Variants in NETO1 observed in about 807,000 individuals in gnomAD.
NETO1 encodes neuropilin and tolloid like 1, also known as neuropilin and tolloid-like protein 1.
A neutral mutation model predicts 61.3 loss-of-function variants in NETO1; 26 were observed. That is an observed-to-expected ratio of 0.42 (90% CI 0.31 to 0.59). The LOEUF (loss-of-function observed/expected upper bound fraction) is 0.59. Among genes scored for constraint, NETO1 ranks in the 20% least tolerant of loss-of-function variants. The pLI, the probability that NETO1 is intolerant of heterozygous loss-of-function variation, is 0.12. For synonymous variants in NETO1, 225 were observed against 225.8 expected, an observed-to-expected ratio of 1.00 and a Z score of 0.03; for missense variants, 531 against 662.8, an observed-to-expected ratio of 0.80 and a Z score of 2.18.
chr18:72,858,760 A>T (rs2074480230), intron 4 of NETO1, 66 bp downstream of exon 4: 41 of 1,440,562 alleles, frequency 2.8e-5, no homozygotes, highest in Non-Finnish European at 3.7e-5. Context: ...CTTACACAAG[A>T]TTTTGTACTA....
intron 4 of NETO1, among the ~76,000 whole-genome samples, chr18:72,820,399 T>C (rs527453128): frequency 1.3e-5 from 2 of 152,304 alleles, no homozygotes; most frequent in Middle Eastern, 3.4e-3. Flanking sequence ...AATATACAAG[T>C]GCGCATTCTC....
intron 6 of NETO1, among the ~76,000 whole-genome samples, chr18:72,791,272 C>G (rs1249610041): frequency 6.6e-6 from 1 of 152,190 alleles, no homozygotes; most frequent in Non-Finnish European, 1.5e-5. Flanking sequence ...GCCAAGTAAG[C>G]TATTCAGCAC....
chr18:72,824,969 A>G lies in NETO1; in HGVS notation c.470-30565T>C, dbSNP rs1176318631. 2.0e-5 allele frequency among the ~76,000 whole-genome samples: 3 copies of G among 152,210 alleles called. No individual in the cohort carries two copies. In the South Asian group the frequency reaches 6.2e-4, roughly 31 times the overall value. ...TTGATTTTAGAGTAACAGAACAAGA[A>G]AAGTTATTAACTATTCTTGTAGAAG... On this transcript the variant is annotated intron_variant, in intron 4 of 10. Transcript: ENST00000327305.
chr18:72,824,946 G>C (rs926877957), intron 4 of NETO1, among the ~76,000 whole-genome samples: 1 of 152,028 alleles, frequency 6.6e-6, no homozygotes, highest in Admixed American at 6.6e-5. Context: ...AGTTCCTCTT[G>C]ATTTTAGAGT....
intron 3 of NETO1, among the ~76,000 whole-genome samples, chr18:72,860,725 C>T (rs552360070): frequency 3.3e-5 from 4 of 122,214 alleles, no homozygotes; most frequent in East Asian, 2.1e-4. Context: ...GTTTCAATGA[C>T]GTGGTTTTTT....
chr18:72,855,580 TG>T (rs2074389617), intron 4 of NETO1, among the ~76,000 whole-genome samples: 1 of 152,230 alleles, frequency 6.6e-6, no homozygotes, highest in Non-Finnish European at 1.5e-5. Flanking sequence ...CCAGTTGGGC[TG>T]TTCCCACGTA....
intron 4 of NETO1, among the ~76,000 whole-genome samples, chr18:72,821,234 T>TAAAAAAAAAAAAAAAAAAAAA (rs10672110): frequency 1.2e-5 from 1 of 80,220 alleles, no homozygotes; most frequent in Non-Finnish European, 2.3e-5. Flanking sequence ...TCATATTAAC[T>TAAAAAAAAAAAAAAAAAAAAA]AAAAAAAAAA....
In NETO1 at chr18:72,821,559, C is replaced by CAA. The variant is rs11420100; in HGVS notation, c.470-27157_470-27156dup. On this transcript the variant is annotated intron_variant, in intron 4 of 10. Transcript: ENST00000327305. ...CATCCTGGGCAATAAGGGTGAAACT[C>CAA]AAAAAAAAAAAAAAAAAAGGAATCC... is the stretch of plus-strand genomic sequence containing the variant. 8.7e-3 allele frequency among the ~76,000 whole-genome samples: 761 copies of CAA among 87,128 alleles called. 13 individuals carry two copies. The highest frequency in any genetic ancestry group is 0.024 in the African/African-American group (620 of 25,978). The allele number at this position is 87,128 out of a possible 152,430, so 57.2% of individuals were successfully genotyped here.
chr18:72,816,574 T>C (rs1473124397), intron 4 of NETO1, among the ~76,000 whole-genome samples: 1 of 152,112 alleles, frequency 6.6e-6, no homozygotes, highest in African/African-American at 2.4e-5. Context: ...ATTCAGGGCA[T>C]AGCACCAATG....
Position 72,754,623 on chromosome 18 carries a change from T to C in NETO1, c.982+1411A>G, listed in dbSNP as rs28360819. Among the ~76,000 whole-genome samples, 826 of 152,186 alleles carry C rather than the reference T, an allele frequency of 5.4e-3. 8 individuals carry two copies. The highest frequency in any genetic ancestry group is 0.018 in the African/African-American group (761 of 41,540). ...TGATAAAAGCGTCATGAGGAAGATA[T>C]AACAATTACACACATATATGAATTT... On this transcript the variant is annotated intron_variant, in intron 8 of 10. Coordinates refer to ENST00000327305, the MANE Select transcript of NETO1 (RefSeq NM_138966.5).
At chr18:72,864,716 G>T (rs1236138595) in intron 3 of NETO1, 92 bp downstream of exon 3, 2 of 1,499,838 alleles carry the variant, frequency 1.3e-6, no homozygotes, top group African/African-American at 1.4e-5. Context: ...GATCAATTTT[G>T]TAATGCCTAT....
intron 4 of NETO1, among the ~76,000 whole-genome samples, chr18:72,839,349 A>G (rs1336711061): frequency 1.3e-5 from 2 of 152,240 alleles, no homozygotes; most frequent in East Asian, 3.8e-4. Flanking sequence ...TCTATACAAC[A>G]GGAACACAGG....
downstream of NETO1, among the ~76,000 whole-genome samples, chr18:72,743,373 C>G (rs755288585): frequency 1.3e-5 from 2 of 152,174 alleles, no homozygotes; most frequent in Non-Finnish European, 2.9e-5. Flanking sequence ...CAAAGCCTCT[C>G]TTGATCTTAA....
chr18:72,760,629 T>C (rs1315773608), intron 7 of NETO1, among the ~76,000 whole-genome samples: 1 of 152,216 alleles, frequency 6.6e-6, no homozygotes, highest in African/African-American at 2.4e-5. Flanking sequence ...GCCCTTGAGC[T>C]GATTAACCTG....
intron 4 of NETO1, among the ~76,000 whole-genome samples, chr18:72,851,878 C>T (rs527715512): frequency 2.0e-5 from 3 of 152,170 alleles, no homozygotes; most frequent in South Asian, 2.1e-4. Context: ...GTATCAGCAC[C>T]GTGCTTATAT....
chr18:72,849,971 T>C (rs1942467), intron 4 of NETO1, among the ~76,000 whole-genome samples: 130,067 of 152,252 alleles, frequency 0.85, 56,311 homozygotes, highest in Non-Finnish European at 0.92. Context: ...CTTCGTTACA[T>C]ACTGAGAAAG....
chr18:72,851,187 G>A (rs7243553), intron 4 of NETO1, among the ~76,000 whole-genome samples: 6,759 of 152,162 alleles, frequency 0.044, 513 homozygotes, highest in African/African-American at 0.15. Flanking sequence ...CCAGGCTGGC[G>A]GATCACCTGA....
In NETO1 at chr18:72,773,820, GAGAACAAACTAATACA is replaced by G. The variant is rs1487775187; in HGVS notation, c.868+9842_868+9857del. ...CTTGAGTATTTCTTCCTAGCAGCGT[GAGAACAAACTAATACA>G]AGGTGAGAATGTCTTGGTTCATCTC... On this transcript the variant is annotated intron_variant, in intron 7 of 10. Transcript: ENST00000327305. Among the ~76,000 whole-genome samples, 213 of 152,194 alleles carry G rather than the reference GAGAACAAACTAATACA, an allele frequency of 1.4e-3. 1 individual carries two copies. The highest frequency in any genetic ancestry group is 5.1e-3 in the African/African-American group (210 of 41,530).
intron 7 of NETO1, among the ~76,000 whole-genome samples, chr18:72,780,319 G>T (rs2071694034): frequency 6.6e-6 from 1 of 152,124 alleles, no homozygotes; most frequent in African/African-American, 2.4e-5. Flanking sequence ...GTGTCTTTTG[G>T]ATTACTCATT....
Sources: gnomAD v4.1 joint callset for allele counts (sites outside exome capture counted in the v4.1 genomes callset) on GRCh38, gnomAD v4.1.1 for gene constraint, MANE v1.5 for transcripts, NCBI Gene and HGNC (gene_info 2026-07-23, HGNC 2026-07-21) for gene names.